Variants in GTF2A1L observed in about 807,000 individuals in gnomAD.
GTF2A1L encodes the protein general transcription factor IIA subunit 1 like.
In GTF2A1L, 48 loss-of-function variants were observed where a neutral mutation model predicts 49.7. The ratio of observed to expected loss-of-function variants is 0.97; its 90% confidence interval spans 0.77 to 1.23. The LOEUF is 1.23. GTF2A1L is among the 50% of genes most tolerant of loss of function. The pLI is 0.00. For synonymous variants in GTF2A1L, 246 were observed against 193.5 expected (o/e 1.27, Z -2.25); for missense variants, 736 against 564.8 (o/e 1.30, Z -3.07).
Position 48,646,533 on chromosome 2 carries a change from C to G in GTF2A1L, c.469C>G (p.Gln157Glu). The G allele has an allele frequency of 6.2e-7, 1 of 1,614,136 alleles. No individual in the cohort carries two copies. The highest frequency in any genetic ancestry group is 1.3e-5 in the African/African-American group (1 of 75,042). ...AGGTATTCTTCAGCATCCAATTCAG[C>G]AAGTATTTCAACAGCTTGGCCAGCC... ...RAGILQHPIQ[Q>E]VFQQLGQPSV... The change falls in exon 6 of 9, where the codon CAA becomes GAA. Residue 157 changes from glutamine (Q) to glutamate (E), a missense_variant. By Grantham distance (29) the Gln-to-Glu change is conservative. Coordinates refer to ENST00000403751, the MANE Select transcript of GTF2A1L (RefSeq NM_006872.5).
chr2:48,658,259 A>G (rs1003404089), intron 6 of GTF2A1L, among the ~76,000 whole-genome samples: 4 of 152,214 alleles, frequency 2.6e-5, no homozygotes, highest in African/African-American at 9.6e-5. Flanking sequence ...TCTTCAATCC[A>G]TCTTGAGTTA....
At position 48,669,755 on chromosome 2, in the gene GTF2A1L, G is replaced by A. The variant is rs150706191; in HGVS notation, c.1012G>A (p.Val338Ile). 6.1e-4 allele frequency: 991 copies of A among 1,613,442 alleles called. 3 individuals carry two copies. The highest frequency in any genetic ancestry group is 1.0e-3 in the South Asian group (93 of 90,910). The change falls in exon 7 of 9, where the codon GTT becomes ATT. Residue 338 changes from valine (V) to isoleucine (I), a missense_variant. Val to Ile is a conservative substitution (Grantham distance 29). Coordinates refer to ENST00000403751, the MANE Select transcript of GTF2A1L (RefSeq NM_006872.5). ...SNSQVDLSIR[V>I]TDDDIGEIIQ... Reference sequence around the variant, plus strand: ...TTCTCAGGTGGATTTAAGCATTCGGGTTACTGATGATGATATTGGTGAAAT... The same window carrying A: ...TTCTCAGGTGGATTTAAGCATTCGGATTACTGATGATGATATTGGTGAAAT...
intron 8 of GTF2A1L, among the ~76,000 whole-genome samples, chr2:48,675,747 T>G (rs1208212907): frequency 2.0e-5 from 3 of 151,986 alleles, no homozygotes; most frequent in Non-Finnish European, 2.9e-5. Context: ...TTTAGCAGAC[T>G]TGCTTATAGC....
intron 3 of GTF2A1L, among the ~76,000 whole-genome samples, chr2:48,629,582 A>G (rs922995344): frequency 6.9e-5 from 10 of 143,992 alleles, no homozygotes; most frequent in African/African-American, 2.5e-4. Flanking sequence ...CTAACTAGGC[A>G]CATAATTAGA....
chr2:48,678,500 C>T (rs1679592365), intron 8 of GTF2A1L, among the ~76,000 whole-genome samples: 1 of 152,022 alleles, frequency 6.6e-6, no homozygotes, highest in South Asian at 2.1e-4. Context: ...TAGTCAACAA[C>T]TAGGTTTAAA....
chr2:48,637,853 A>G (rs1676990614), intron 3 of GTF2A1L, among the ~76,000 whole-genome samples: 1 of 152,098 alleles, frequency 6.6e-6, no homozygotes, highest in South Asian at 2.1e-4. Context: ...AGACTAATAA[A>G]GAGAGAAGAT....
intron 8 of GTF2A1L, among the ~76,000 whole-genome samples, chr2:48,676,829 A>G (rs921298440): frequency 6.6e-6 from 1 of 150,946 alleles, no homozygotes; most frequent in Non-Finnish European, 1.5e-5. Context: ...ATCTATATCT[A>G]TATCATCTAT....
intron 4 of GTF2A1L, among the ~76,000 whole-genome samples, chr2:48,642,748 C>T (rs1677269425): frequency 6.6e-6 from 1 of 150,928 alleles, no homozygotes; most frequent in Non-Finnish European, 1.5e-5. Flanking sequence ...CCCAGCTACT[C>T]AGGAGGCTGA....
At chr2:48,663,869 T>G (rs1248750416) in intron 6 of GTF2A1L, among the ~76,000 whole-genome samples, 1 of 152,196 alleles carries the variant, frequency 6.6e-6, no homozygotes, top group Non-Finnish European at 1.5e-5. Flanking sequence ...TGTCTTGTCC[T>G]CCCAAAGTGC....
At chr2:48,649,438 C>T (rs1026640505) in intron 6 of GTF2A1L, among the ~76,000 whole-genome samples, 3 of 152,068 alleles carry the variant, frequency 2.0e-5, no homozygotes, top group South Asian at 2.1e-4. Context: ...TCTTACTCTG[C>T]TCCTGCCAAT....
intron 6 of GTF2A1L, among the ~76,000 whole-genome samples, chr2:48,651,819 A>T (rs1273997741): frequency 2.0e-5 from 3 of 152,128 alleles, no homozygotes; most frequent in Non-Finnish European, 4.4e-5. Flanking sequence ...GACATTTACT[A>T]TTTTTGAGAG....
chr2:48,662,108 G>A (rs1328914606), intron 6 of GTF2A1L, among the ~76,000 whole-genome samples: 1 of 152,134 alleles, frequency 6.6e-6, no homozygotes, highest in African/African-American at 2.4e-5. Context: ...ATAATAACCT[G>A]TTTTAATCAG....
intron 6 of GTF2A1L, among the ~76,000 whole-genome samples, chr2:48,658,605 T>C (rs1678310382): frequency 6.6e-6 from 1 of 151,978 alleles, no homozygotes; most frequent in Non-Finnish European, 1.5e-5. Context: ...GGTTCCACAT[T>C]AATTTTAGAA....
intron 6 of GTF2A1L, among the ~76,000 whole-genome samples, chr2:48,648,250 A>T (rs1163820541): frequency 6.6e-6 from 1 of 152,152 alleles, no homozygotes; most frequent in Non-Finnish European, 1.5e-5. Flanking sequence ...AACATAACAT[A>T]TAACACTTAG....
At chr2:48,661,716 A>G (rs572067646) in intron 6 of GTF2A1L, among the ~76,000 whole-genome samples, 57 of 152,256 alleles carry the variant, frequency 3.7e-4, no homozygotes, top group African/African-American at 1.3e-3. Flanking sequence ...TGGTGGTAAC[A>G]TAGCCACTGC....
intron 8 of GTF2A1L, among the ~76,000 whole-genome samples, chr2:48,677,679 A>G (rs1679545159): frequency 6.6e-6 from 1 of 151,990 alleles, no homozygotes; most frequent in South Asian, 2.1e-4. Context: ...AACAAGGGTA[A>G]AAACAGGAAC....
At chr2:48,622,654 C>G (rs751302484) in intron 3 of GTF2A1L, among the ~76,000 whole-genome samples, 1 of 151,992 alleles carries the variant, frequency 6.6e-6, no homozygotes, top group Non-Finnish European at 1.5e-5. Context: ...AACCCTGTCT[C>G]TACTTAAAAA....
chr2:48,624,803 T>C (rs1676212843), intron 3 of GTF2A1L, among the ~76,000 whole-genome samples: 1 of 143,326 alleles, frequency 7.0e-6, no homozygotes, highest in African/African-American at 2.5e-5. Flanking sequence ...TGCAATACTT[T>C]TCTTTTTGTG....
At chr2:48,634,487 T>A (rs1676774543) in intron 3 of GTF2A1L, among the ~76,000 whole-genome samples, 1 of 152,192 alleles carries the variant, frequency 6.6e-6, no homozygotes. Context: ...GGTTACTTTA[T>A]AGGGTCTGTT....
Sources: gnomAD v4.1 joint callset for allele counts (sites outside exome capture counted in the v4.1 genomes callset) on GRCh38, gnomAD v4.1.1 for gene constraint, MANE v1.5 for transcripts, NCBI Gene and HGNC (gene_info 2026-07-23, HGNC 2026-07-21) for gene names.